The following HOXC6 variants were observed in gnomAD, a reference collection of about 807,000 sequenced individuals.
HOXC6 encodes the protein homeobox C6, also known as homeobox protein Hox-C6.
In HOXC6, 10 loss-of-function variants were observed where a neutral mutation model predicts 24.0. The observed-to-expected ratio is 0.42, with a 90% CI of 0.26 to 0.71. The LOEUF is 0.71. Among genes scored for constraint, HOXC6 ranks in the 30% least tolerant of loss-of-function variants. HOXC6 has a pLI of 0.28. For synonymous variants in HOXC6, 123 were observed against 128.1 expected, an observed-to-expected ratio of 0.96 and a Z score of 0.27; for missense variants, 258 against 303.4, an observed-to-expected ratio of 0.85 and a Z score of 1.11.
intron 1 of HOXC6, chr12:54,017,453 G>A (rs1231713155): frequency 7.0e-6 from 1 of 141,926 alleles, no homozygotes; most frequent in Non-Finnish European, 1.5e-5. Flanking sequence ...GTAACTAATG[G>A]TCCGTGGCGG....
At chr12:54,025,634 C>A (rs1940663682), upstream of HOXC6, among the ~76,000 whole-genome samples, 1 of 152,024 alleles carries the variant, frequency 6.6e-6, no homozygotes, top group African/African-American at 2.4e-5. Context: ...AGCATTTCTG[C>A]CTTTTTCACC....
chr12:54,024,103 A>T (rs941972968), upstream of HOXC6, among the ~76,000 whole-genome samples: 2 of 152,184 alleles, frequency 1.3e-5, no homozygotes, highest in Admixed American at 6.5e-5. Flanking sequence ...TTAACCAAAT[A>T]GTGTGATTAT....
At chr12:54,020,471 G>C (rs918915359) in intron 1 of HOXC6, 1 of 152,230 alleles carries the variant, frequency 6.6e-6, no homozygotes, top group Non-Finnish European at 1.5e-5. Context: ...GACAGAATGC[G>C]ACCTTGTTTG....
chr12:54,018,379 T>C (rs1170705318), intron 1 of HOXC6, among the ~76,000 whole-genome samples: 2 of 152,000 alleles, frequency 1.3e-5, no homozygotes, highest in Non-Finnish European at 2.9e-5. Flanking sequence ...GGCCCTAGGC[T>C]GGGCGGGGAC....
At chr12:54,019,810 C>T (rs1940348073) in intron 1 of HOXC6, 1 of 152,108 alleles carries the variant, frequency 6.6e-6, no homozygotes, top group Non-Finnish European at 1.5e-5. Context: ...CCTGAGGTGT[C>T]TTTATATAAT....
intron 1 of HOXC6, chr12:54,022,089 G>C (rs1940473573): frequency 6.6e-6 from 1 of 152,254 alleles, no homozygotes; most frequent in African/African-American, 2.4e-5. Flanking sequence ...CCCTTGCCTA[G>C]GCTTTTCTTC....
At chr12:54,020,777 G>T (rs1300492215) in intron 1 of HOXC6, 2 of 152,160 alleles carry the variant, frequency 1.3e-5, no homozygotes, top group African/African-American at 4.8e-5. Flanking sequence ...CACTGGAATC[G>T]GAGTATGCGG....
At chr12:54,028,269 T>TA (rs1565740843), upstream of HOXC6, 117 of 72,304 alleles carry the variant, frequency 1.6e-3, no homozygotes, top group Middle Eastern at 5.7e-3. Flanking sequence ...ATATATATAT[T>TA]TTTTAAAAGA....
At chr12:54,020,574 G>A (rs1045267173) in intron 1 of HOXC6, 21 of 152,156 alleles carry the variant, frequency 1.4e-4, no homozygotes, top group African/African-American at 5.1e-4. Flanking sequence ...TACAGACTCA[G>A]GCTTATGCAT....
upstream of HOXC6, among the ~76,000 whole-genome samples, chr12:54,024,492 C>A (rs1940601033): frequency 6.6e-6 from 1 of 152,182 alleles, no homozygotes; most frequent in Admixed American, 6.5e-5. Flanking sequence ...AGGGAGAACA[C>A]AACTAAGGAG....
At chr12:54,026,925 A>G (rs117669012), upstream of HOXC6, among the ~76,000 whole-genome samples, 7 of 150,354 alleles carry the variant, frequency 4.7e-5, no homozygotes, top group East Asian at 5.9e-4. Flanking sequence ...GGTTCTTGTT[A>G]TAGCCAGCTT....
At chr12:54,018,544 T>C (rs1472881832) in intron 1 of HOXC6, among the ~76,000 whole-genome samples, 2 of 152,220 alleles carry the variant, frequency 1.3e-5, no homozygotes, top group Non-Finnish European at 2.9e-5. Flanking sequence ...TGGCCTGTTG[T>C]ATAGTCTTAA....
chr12:54,028,286 A>C, upstream of HOXC6: 1 of 337,728 alleles, frequency 3.0e-6, no homozygotes, highest in Non-Finnish European at 5.4e-6. Context: ...AAGAAATCCA[A>C]GTCTTACTTT....
upstream of HOXC6, among the ~76,000 whole-genome samples, chr12:54,026,581 T>C (rs1297701156): frequency 1.3e-5 from 2 of 152,158 alleles, no homozygotes; most frequent in East Asian, 1.9e-4. Context: ...CCCCTTCCCT[T>C]CCAAATACCG....
At chr12:54,025,443 A>C (rs534355918), upstream of HOXC6, among the ~76,000 whole-genome samples, 2 of 151,022 alleles carry the variant, frequency 1.3e-5, no homozygotes, top group Admixed American at 1.3e-4. Flanking sequence ...CTTGGAGCGA[A>C]TCCTTTCAGC....
chr12:54,025,800 A>G (rs73313191), upstream of HOXC6, among the ~76,000 whole-genome samples: 22 of 152,224 alleles, frequency 1.4e-4, no homozygotes, highest in East Asian at 1.9e-3. Context: ...TTAGGCCCCA[A>G]TAGAGAATCT....
chr12:54,024,050 A>G (rs1469707899), upstream of HOXC6, among the ~76,000 whole-genome samples: 2 of 152,226 alleles, frequency 1.3e-5, no homozygotes, highest in Admixed American at 1.3e-4. Context: ...CTAATCATAG[A>G]CCAATCGGGC....
chr12:54,023,817 C>T (rs1415108401), upstream of HOXC6, among the ~76,000 whole-genome samples: 2 of 152,156 alleles, frequency 1.3e-5, no homozygotes, highest in African/African-American at 4.8e-5. Context: ...GCTCAGACAG[C>T]TTCCCCCATC....
chr12:54,018,383 C>G (rs1478513296), intron 1 of HOXC6, among the ~76,000 whole-genome samples: 2 of 152,134 alleles, frequency 1.3e-5, no homozygotes, highest in Non-Finnish European at 2.9e-5. Context: ...CTAGGCTGGG[C>G]GGGGACAGGC....
Sources: allele counts gnomAD v4.1 joint callset (sites outside exome capture counted in the v4.1 genomes callset), GRCh38; gene constraint gnomAD v4.1.1; transcripts MANE v1.5; gene names NCBI Gene and HGNC (gene_info 2026-07-23, HGNC 2026-07-21).